IL15: variants seen among roughly 807,000 people sequenced by gnomAD.
IL15 encodes interleukin 15.
In IL15, 11 loss-of-function variants were observed where a neutral mutation model predicts 19.6. The observed-to-expected ratio is 0.56, with a 90% CI of 0.35 to 0.93. The LOEUF (loss-of-function observed/expected upper bound fraction) is 0.93. IL15 is among the 40% of genes least tolerant of loss of function. The pLI is 0.01. For missense variants in IL15, 197 were observed against 186.5 expected, an observed-to-expected ratio of 1.06 and a Z score of -0.33; for synonymous variants, 58 against 59.6, an observed-to-expected ratio of 0.97 and a Z score of 0.12.
intron 2 of IL15, among the ~76,000 whole-genome samples, chr4:141,679,974 G>A (rs1728478084): frequency 6.6e-6 from 1 of 152,122 alleles, no homozygotes. Context: ...AATAAAGTTT[G>A]GAAAATAGCA....
intron 1 of IL15, among the ~76,000 whole-genome samples, chr4:141,652,245 A>G (rs1238795160): frequency 6.6e-6 from 1 of 152,144 alleles, no homozygotes; most frequent in Non-Finnish European, 1.5e-5. Context: ...ACTAAAACGG[A>G]CTATTCTCCT....
intron 1 of IL15, among the ~76,000 whole-genome samples, chr4:141,643,486 TA>T (rs1202587222): frequency 2.0e-5 from 3 of 152,200 alleles, no homozygotes; most frequent in African/African-American, 7.2e-5. Context: ...ACATCCCTTT[TA>T]TTAAATCCAG....
In IL15 at chr4:141,646,137, G is replaced by A. The variant is rs144140101; in HGVS notation, c.-222+9389G>A. Among the ~76,000 whole-genome samples, 152 of 152,176 alleles carry A rather than the reference G, an allele frequency of 1.0e-3. 1 individual carries two copies. Among genetic ancestry groups the A allele is most frequent in the African/African-American group, 3.2e-3 (134 of 41,542 alleles). On this transcript the variant is annotated intron_variant, in intron 1 of 7. Coordinates refer to ENST00000320650, the MANE Select transcript of IL15 (RefSeq NM_000585.5). ...GGGAAGGCACTGACTGATGGCAGCT[G>A]TCTTTGGAGATTATCCACCACAAAG...
chr4:141,681,046 A>G (rs941906397), intron 2 of IL15, among the ~76,000 whole-genome samples: 4 of 152,160 alleles, frequency 2.6e-5, no homozygotes, highest in Non-Finnish European at 5.9e-5. Flanking sequence ...GCTGACGTCT[A>G]TATATTCAGC....
chr4:141,679,633 A>G (rs560312586), intron 2 of IL15, among the ~76,000 whole-genome samples: 88 of 152,356 alleles, frequency 5.8e-4, no homozygotes, highest in Non-Finnish European at 1.0e-3. Context: ...TAAATGGGAC[A>G]TGATTATTTC....
chr4:141,668,375 A>G (rs1333485991), intron 2 of IL15, among the ~76,000 whole-genome samples: 3 of 152,222 alleles, frequency 2.0e-5, no homozygotes, highest in Non-Finnish European at 4.4e-5. Flanking sequence ...CTCTCTCCTC[A>G]GCTATCTTCC....
chr4:141,722,071 G>C (rs1730103834), intron 5 of IL15, 63 bp downstream of exon 5: 1 of 1,461,256 alleles, frequency 6.8e-7, no homozygotes, highest in South Asian at 1.6e-5. Context: ...CTCTCTCTGT[G>C]TTTTTCTGTC....
intron 1 of IL15, among the ~76,000 whole-genome samples, chr4:141,642,302 C>T (rs1427959152): frequency 2.0e-5 from 3 of 152,090 alleles, no homozygotes; most frequent in Non-Finnish European, 4.4e-5. Context: ...ACACATCAGG[C>T]ATATCTCTGG....
In IL15 at chr4:141,708,627, C is replaced by T. The variant is rs561635683; in HGVS notation, c.-99-10739C>T. ...CCTTTACCCCATAAGAAGAAGTCTCCCTGACTCTGAGCTAATTCTGGTGAA... is the reference window on the plus strand; with the variant it reads ...CCTTTACCCCATAAGAAGAAGTCTCTCTGACTCTGAGCTAATTCTGGTGAA... On this transcript the variant is annotated intron_variant, in intron 2 of 7. Coordinates refer to ENST00000320650, the MANE Select transcript of IL15 (RefSeq NM_000585.5). Among the ~76,000 whole-genome samples, 14 of 152,206 alleles carry T rather than the reference C, an allele frequency of 9.2e-5. No individual in the cohort carries two copies. In the South Asian group the frequency reaches 2.7e-3, roughly 29 times the overall value.
At chr4:141,637,699 A>T (rs777059519) in intron 1 of IL15, among the ~76,000 whole-genome samples, 1 of 152,216 alleles carries the variant, frequency 6.6e-6, no homozygotes, top group African/African-American at 2.4e-5. Context: ...CTTACAACAG[A>T]TTCTTAAATA....
chr4:141,708,799 A>G (rs1729609309), intron 2 of IL15, among the ~76,000 whole-genome samples: 1 of 152,052 alleles, frequency 6.6e-6, no homozygotes, highest in South Asian at 2.1e-4. Flanking sequence ...ATGTTTATTC[A>G]CTGTTTTGAT....
intron 2 of IL15, among the ~76,000 whole-genome samples, chr4:141,703,141 A>G (rs1729379182): frequency 6.6e-6 from 1 of 152,208 alleles, no homozygotes; most frequent in South Asian, 2.1e-4. Flanking sequence ...CACATAACAT[A>G]TGCACAGAAC....
chr4:141,678,034 T>C (rs1349257479), intron 2 of IL15, among the ~76,000 whole-genome samples: 1 of 152,196 alleles, frequency 6.6e-6, no homozygotes, highest in Non-Finnish European at 1.5e-5. Context: ...ATTTTATCTG[T>C]GGTGATATGG....
intron 2 of IL15, among the ~76,000 whole-genome samples, chr4:141,667,002 A>C (rs1255980540): frequency 1.3e-5 from 2 of 152,168 alleles, no homozygotes; most frequent in Non-Finnish European, 2.9e-5. Context: ...GAAAGATAGA[A>C]TATGGGAGCT....
chr4:141,638,825 C>A (rs75012624), intron 1 of IL15, among the ~76,000 whole-genome samples: 3,111 of 152,232 alleles, frequency 0.02, 110 homozygotes, highest in African/African-American at 0.07. Flanking sequence ...AGGAAAATAT[C>A]CGTAACTTTG....
intron 1 of IL15, among the ~76,000 whole-genome samples, chr4:141,643,473 C>T (rs1033634548): frequency 3.3e-5 from 5 of 152,176 alleles, no homozygotes; most frequent in Non-Finnish European, 7.4e-5. Flanking sequence ...AAAGGTACCA[C>T]GAACATCCCT....
chr4:141,686,477 A>G (rs1422231864), intron 2 of IL15, among the ~76,000 whole-genome samples: 1 of 152,202 alleles, frequency 6.6e-6, no homozygotes, highest in Non-Finnish European at 1.5e-5. Context: ...CACATGTTCA[A>G]ATCCTGACAC....
At chr4:141,694,112 A>G (rs571807645) in intron 2 of IL15, among the ~76,000 whole-genome samples, 3 of 152,328 alleles carry the variant, frequency 2.0e-5, no homozygotes, top group African/African-American at 7.2e-5. Context: ...CAGTTTATCT[A>G]TGGTTGTAAA....
chr4:141,666,341 C>T (rs977763261), intron 2 of IL15, among the ~76,000 whole-genome samples: 4 of 151,852 alleles, frequency 2.6e-5, no homozygotes, highest in South Asian at 2.1e-4. Flanking sequence ...GGAGATCGCT[C>T]CCCACCTTTT....
Sources: allele counts gnomAD v4.1 joint callset (sites outside exome capture counted in the v4.1 genomes callset), GRCh38; gene constraint gnomAD v4.1.1; transcripts MANE v1.5; gene names NCBI Gene and HGNC (gene_info 2026-07-23, HGNC 2026-07-21).